The following PRDM16 variants were observed in gnomAD, a reference collection of about 807,000 sequenced individuals.
The protein encoded by PRDM16 is PR/SET domain 16, also known as histone-lysine N-methyltransferase PRDM16.
Under a neutral mutation model 110.6 loss-of-function variants are expected in PRDM16, and 23 were observed. The ratio of observed to expected loss-of-function variants is 0.21; its 90% CI spans 0.15 to 0.29. The LOEUF is 0.29. Ranked by LOEUF, PRDM16 falls within the 10% of genes least tolerant of loss-of-function variation. The pLI, the probability that PRDM16 is intolerant of heterozygous loss-of-function variation, is 1.00. For synonymous variants in PRDM16, 799 were observed against 781.8 expected, an observed-to-expected ratio of 1.02 and a Z score of -0.37; for missense variants, 1,615 against 1,794.3, an observed-to-expected ratio of 0.90 and a Z score of 1.81.
intron 1 of PRDM16, among the ~76,000 whole-genome samples, chr1:3,140,024 C>T (rs777028470): frequency 5.9e-5 from 9 of 152,240 alleles, no homozygotes; most frequent in African/African-American, 1.4e-4. Flanking sequence ...GCATCTCCCT[C>T]GGAGAATGGA....
intron 2 of PRDM16, 102 bp downstream of exon 2, chr1:3,186,576 C>G: frequency 1.4e-6 from 1 of 729,806 alleles, no homozygotes; most frequent in Non-Finnish European, 2.2e-6. Flanking sequence ...GCGGGAGGCG[C>G]GGCCAGAGAG....
At chr1:3,168,695 T>C (rs1478612724) in intron 1 of PRDM16, among the ~76,000 whole-genome samples, 1 of 151,510 alleles carries the variant, frequency 6.6e-6, no homozygotes, top group African/African-American at 2.4e-5. Context: ...ATTGGATTAA[T>C]GTGCAAAAAA....
At chr1:3,398,678 A>G (rs1039501440) in intron 5 of PRDM16, among the ~76,000 whole-genome samples, 1 of 152,226 alleles carries the variant, frequency 6.6e-6, no homozygotes, top group African/African-American at 2.4e-5. Flanking sequence ...CTGCTCTGCC[A>G]TGAAGATTGC....
At chr1:3,315,144 C>T (rs1233217323) in intron 3 of PRDM16, among the ~76,000 whole-genome samples, 1 of 150,932 alleles carries the variant, frequency 6.6e-6, no homozygotes, top group Admixed American at 6.6e-5. Context: ...CCTCCTTTCT[C>T]CCCCGCTTCA....
Position 3,385,014 on chromosome 1 carries a change from G to C in PRDM16, c.439-138G>C, listed in dbSNP as rs12086992. Reference sequence around the variant, plus strand: ...GGGCTGGGAGCCCCGCTGATGCCCGGAGGGTGGGCTGAGGTCTGGACGCCG... The same window carrying C: ...GGGCTGGGAGCCCCGCTGATGCCCGCAGGGTGGGCTGAGGTCTGGACGCCG... On this transcript the variant is annotated intron_variant, in intron 3 of 16. Coordinates refer to ENST00000270722, the MANE Select transcript of PRDM16 (RefSeq NM_022114.4). 3.0e-3 allele frequency: 3,121 copies of C among 1,038,658 alleles called. 45 individuals carry two copies. The African/African-American group carries it at 0.037, about 12-fold the overall frequency. The allele number at this position is 1,038,658 out of a possible 1,614,324, so 64.3% of individuals were successfully genotyped here. A position where few individuals can be genotyped will look rare whatever the true frequency, so the allele number is the denominator to read the frequency against.
In PRDM16 at chr1:3,194,743, A is replaced by C. The variant is rs1326055391; in HGVS notation, c.387+8269A>C. 1.2e-4 allele frequency among the ~76,000 whole-genome samples: 14 copies of C among 114,286 alleles called. No individual in the cohort carries two copies. The East Asian group carries it at 2.4e-3, about 20-fold the overall frequency. 75.0% of individuals were successfully genotyped at this position (114,286 alleles called of 152,430 possible). A position where few individuals can be genotyped will look rare whatever the true frequency, so the allele number is the denominator to read the frequency against. ...TCTCCCCGCCACACGCCACCGTCTGATCGCCACACATTAGGGCTTGGTATT... is the reference window on the plus strand; with the variant it reads ...TCTCCCCGCCACACGCCACCGTCTGCTCGCCACACATTAGGGCTTGGTATT... On this transcript the variant is annotated intron_variant, in intron 2 of 16. Coordinates refer to ENST00000270722, the MANE Select transcript of PRDM16 (RefSeq NM_022114.4).
chr1:3,270,515 A>G (rs897176899), intron 3 of PRDM16, among the ~76,000 whole-genome samples: 2 of 147,378 alleles, frequency 1.4e-5, no homozygotes, highest in African/African-American at 5.1e-5. Flanking sequence ...GTCCCGGGGG[A>G]GGACAATCAG....
At chr1:3,378,785 C>T (rs1249926885) in intron 3 of PRDM16, among the ~76,000 whole-genome samples, 1 of 152,044 alleles carries the variant, frequency 6.6e-6, no homozygotes, top group African/African-American at 2.4e-5. Flanking sequence ...CAGGCCTGAG[C>T]CTCCACCTGC....
intron 3 of PRDM16, among the ~76,000 whole-genome samples, chr1:3,324,822 C>T (rs1641850914): frequency 6.6e-6 from 1 of 151,780 alleles, no homozygotes; most frequent in African/African-American, 2.4e-5. Flanking sequence ...CTGTGGGACT[C>T]GGCGGGTCGT....
chr1:3,079,082 G>A (rs1641960622), intron 1 of PRDM16, among the ~76,000 whole-genome samples: 1 of 152,244 alleles, frequency 6.6e-6, no homozygotes, highest in South Asian at 2.1e-4. Flanking sequence ...GACTGTCTCC[G>A]ACGGCTCCGG....
At chr1:3,289,166 G>A (rs1023405639) in intron 3 of PRDM16, among the ~76,000 whole-genome samples, 7 of 152,220 alleles carry the variant, frequency 4.6e-5, no homozygotes, top group African/African-American at 1.7e-4. Context: ...ACACCTCTGC[G>A]TGGAGGGAGA....
chr1:3,420,846 G>A (rs1256709747), intron 12 of PRDM16, among the ~76,000 whole-genome samples: 3 of 152,188 alleles, frequency 2.0e-5, no homozygotes, highest in South Asian at 2.1e-4. Flanking sequence ...CTTGGTCTTC[G>A]TCCTGACAGC....
intron 2 of PRDM16, among the ~76,000 whole-genome samples, chr1:3,192,617 G>A (rs973819341): frequency 7.2e-5 from 11 of 152,110 alleles, no homozygotes; most frequent in South Asian, 4.2e-4. Flanking sequence ...CCCCTCCGTC[G>A]GTCCTGGGCT....
At chr1:3,422,914 G>C (rs1442884391) in intron 12 of PRDM16, among the ~76,000 whole-genome samples, 1 of 152,232 alleles carries the variant, frequency 6.6e-6, no homozygotes, top group East Asian at 1.9e-4. Flanking sequence ...GGCAGGAGCA[G>C]GGGCTCCCAG....
At chr1:3,252,985 T>C (rs1358661373) in intron 3 of PRDM16, among the ~76,000 whole-genome samples, 1 of 152,108 alleles carries the variant, frequency 6.6e-6, no homozygotes, top group Non-Finnish European at 1.5e-5. Flanking sequence ...CGGGCTGTCC[T>C]CTACCAAACA....
At chr1:3,205,716 AGGT>A (rs1199746914) in intron 2 of PRDM16, among the ~76,000 whole-genome samples, 1 of 152,134 alleles carries the variant, frequency 6.6e-6, no homozygotes, top group Non-Finnish European at 1.5e-5. Flanking sequence ...GGTAAAGGGA[AGGT>A]GGTATGTGTG....
intron 1 of PRDM16, among the ~76,000 whole-genome samples, chr1:3,130,642 C>T (rs1245785477): frequency 6.6e-6 from 1 of 152,156 alleles, no homozygotes; most frequent in Non-Finnish European, 1.5e-5. Context: ...CTTTCTGTAA[C>T]TCGCCGCCTT....
intron 3 of PRDM16, among the ~76,000 whole-genome samples, chr1:3,270,760 G>A (rs909170394): frequency 2.0e-5 from 3 of 150,610 alleles, no homozygotes; most frequent in African/African-American, 4.9e-5. Flanking sequence ...TCAGGAGGAG[G>A]ACAGTCCTGG....
intron 3 of PRDM16, among the ~76,000 whole-genome samples, chr1:3,283,069 C>T (rs1034501445): frequency 2.0e-5 from 3 of 152,206 alleles, no homozygotes; most frequent in East Asian, 1.9e-4. Context: ...CAGCGCTTCC[C>T]GAGCAGGTGC....
Sources: gnomAD v4.1 joint callset for allele counts (sites outside exome capture counted in the v4.1 genomes callset) on GRCh38, gnomAD v4.1.1 for gene constraint, MANE v1.5 for transcripts, NCBI Gene and HGNC (gene_info 2026-07-23, HGNC 2026-07-21) for gene names.